Variants in PLD1 observed in about 807,000 individuals in gnomAD.
PLD1 encodes choline phosphatase 1.
In PLD1, 112 loss-of-function variants were observed where a neutral mutation model predicts 137.1. The observed-to-expected ratio is 0.82, with a 90% CI of 0.70 to 0.96. The LOEUF is 0.96. Ranked by LOEUF, PLD1 falls within the 40% of genes least tolerant of loss-of-function variation. The probability of loss-of-function intolerance (pLI) is 0.00; values close to 1 mark genes in which losing one functional copy is unlikely to be tolerated. For synonymous variants in PLD1, 431 were observed against 454.7 expected, an observed-to-expected ratio of 0.95 and a Z score of 0.66; for missense variants, 1,321 against 1,342.0, an observed-to-expected ratio of 0.98 and a Z score of 0.24.
At chr3:171,661,986 G>T in intron 20 of PLD1, 74 bp downstream of exon 20, 1 of 792,076 alleles carries the variant, frequency 1.3e-6, no homozygotes, top group South Asian at 1.6e-5. Flanking sequence ...TCCTAAGTTT[G>T]GGGACCCTGA....
intron 20 of PLD1, among the ~76,000 whole-genome samples, 160 bp from the exon 21 acceptor site, chr3:171,659,461 C>T (rs559927441): frequency 6.6e-6 from 1 of 152,318 alleles, no homozygotes; most frequent in South Asian, 2.1e-4. Context: ...AAAAAGCCGC[C>T]TCATCTCACT....
intron 21 of PLD1, among the ~76,000 whole-genome samples, chr3:171,657,300 C>T (rs1367656675): frequency 6.6e-6 from 1 of 152,140 alleles, no homozygotes; most frequent in Non-Finnish European, 1.5e-5. Flanking sequence ...ATAATATGTC[C>T]TTAAGTATAA....
At chr3:171,670,521 G>A (rs1019338155) in intron 19 of PLD1, among the ~76,000 whole-genome samples, 2 of 152,164 alleles carry the variant, frequency 1.3e-5, no homozygotes, top group Non-Finnish European at 1.5e-5. Flanking sequence ...CCAGTCTGTA[G>A]GAGATTTTAC....
chr3:171,644,328 G>A (rs934340468), intron 22 of PLD1, among the ~76,000 whole-genome samples: 1 of 152,114 alleles, frequency 6.6e-6, no homozygotes, highest in Non-Finnish European at 1.5e-5. Context: ...GGCCAAATCT[G>A]AAGCCTCAAG....
At position 171,602,915 on chromosome 3, in the gene PLD1, C is replaced by G; in HGVS notation, c.*163G>C. On this transcript the variant is annotated 3_prime_UTR_variant, in exon 27 of 27. Coordinates refer to ENST00000351298, the MANE Select transcript of PLD1 (RefSeq NM_002662.5). ...ATAAAGTCTTGCTGATGTTTACAGTCCTTACATCAATGTGACTGCAGCCCT... is the reference window on the plus strand; with the variant it reads ...ATAAAGTCTTGCTGATGTTTACAGTGCTTACATCAATGTGACTGCAGCCCT... The G allele has an allele frequency of 1.6e-6, 1 of 612,080 alleles. No individual in the cohort carries two copies. Among genetic ancestry groups the G allele is most frequent in the Non-Finnish European group, 2.9e-6 (1 of 345,094 alleles). 37.9% of individuals were successfully genotyped at this position (612,080 alleles called of 1,614,324 possible).
At chr3:171,755,427 C>A (rs1184440568) in intron 1 of PLD1, among the ~76,000 whole-genome samples, 1 of 152,186 alleles carries the variant, frequency 6.6e-6, no homozygotes, top group African/African-American at 2.4e-5. Flanking sequence ...CCCTTGACTG[C>A]ATCCTTCTTG....
chr3:171,676,507 A>C (rs1263638601), intron 18 of PLD1, among the ~76,000 whole-genome samples: 2 of 152,020 alleles, frequency 1.3e-5, no homozygotes, highest in Non-Finnish European at 2.9e-5. Flanking sequence ...GGCACTCTGA[A>C]TTGTCTATGG....
chr3:171,613,246 G>C (rs1325819032), intron 24 of PLD1, among the ~76,000 whole-genome samples: 1 of 152,142 alleles, frequency 6.6e-6, no homozygotes, highest in African/African-American at 2.4e-5. Context: ...GCCAACCTTT[G>C]AATATTCTTA....
chr3:171,724,637 C>CT, intron 8 of PLD1, 59 bp downstream of exon 8: 1 of 952,678 alleles, frequency 1.0e-6, no homozygotes. Flanking sequence ...GTATGTAAAA[C>CT]TAGCCCAAAT....
chr3:171,610,164 A>C (rs1219793442), intron 25 of PLD1, among the ~76,000 whole-genome samples: 2 of 152,322 alleles, frequency 1.3e-5, no homozygotes, highest in Admixed American at 6.5e-5. Flanking sequence ...GAAGGTGAAC[A>C]AGAAGGTATC....
intron 1 of PLD1, among the ~76,000 whole-genome samples, chr3:171,754,492 C>T (rs919312787): frequency 2.0e-5 from 3 of 152,082 alleles, no homozygotes; most frequent in Admixed American, 6.5e-5. Context: ...CTTCATGTTC[C>T]CTGCTTTTTC....
chr3:171,770,991 A>T (rs1038877308), intron 1 of PLD1, among the ~76,000 whole-genome samples: 1 of 151,658 alleles, frequency 6.6e-6, no homozygotes, highest in Non-Finnish European at 1.5e-5. Context: ...TGTCATTTCC[A>T]CTTGGCTTCC....
At chr3:171,710,150 C>T (rs963449982) in intron 9 of PLD1, among the ~76,000 whole-genome samples, 1 of 152,122 alleles carries the variant, frequency 6.6e-6, no homozygotes, top group Non-Finnish European at 1.5e-5. Flanking sequence ...GCAAGCTCCA[C>T]CTCCCGGGTT....
intron 9 of PLD1, among the ~76,000 whole-genome samples, chr3:171,710,163 C>T (rs1717051607): frequency 6.6e-6 from 1 of 152,006 alleles, no homozygotes; most frequent in African/African-American, 2.4e-5. Flanking sequence ...CCCGGGTTCA[C>T]GCCATTCTCC....
chr3:171,729,889 A>C (rs569752877), intron 6 of PLD1, among the ~76,000 whole-genome samples: 1 of 152,310 alleles, frequency 6.6e-6, no homozygotes, highest in South Asian at 2.1e-4. Flanking sequence ...AGTATTATTG[A>C]TCTGTGGGAT....
At chr3:171,710,982 T>C (rs1444150299) in intron 9 of PLD1, among the ~76,000 whole-genome samples, 2 of 148,788 alleles carry the variant, frequency 1.3e-5, no homozygotes, top group Admixed American at 1.3e-4. Flanking sequence ...CAAGTGATTC[T>C]CCTGCCTCAG....
chr3:171,735,653 A>T lies in PLD1; in HGVS notation c.289-16T>A. 1 of 1,402,854 alleles carries T rather than the reference A, an allele frequency of 7.1e-7. No individual in the cohort carries two copies. Among genetic ancestry groups the T allele is most frequent in the Non-Finnish European group, 1.0e-6 (1 of 991,388 alleles). The allele number at this position is 1,402,854 out of a possible 1,614,324, so 86.9% of individuals were successfully genotyped here. A position where few individuals can be genotyped will look rare whatever the true frequency, so the allele number is the denominator to read the frequency against. On this transcript the variant is annotated splice_polypyrimidine_tract_variant and intron_variant, in intron 3 of 26. Transcript: ENST00000351298. ...TACTTGGTACCTACAGTGATACATA[A>T]AAATGTTTGATATTTTAGATAACAA...
intron 1 of PLD1, among the ~76,000 whole-genome samples, chr3:171,740,877 T>C (rs1289408235): frequency 6.6e-6 from 1 of 152,222 alleles, no homozygotes; most frequent in Non-Finnish European, 1.5e-5. Context: ...AGTTAAACAA[T>C]CGTCCAAGGT....
intron 11 of PLD1, 57 bp from the exon 12 acceptor site, chr3:171,699,883 G>T: frequency 1.4e-6 from 2 of 1,412,274 alleles, no homozygotes; most frequent in Non-Finnish European, 1.0e-6. Flanking sequence ...AGTTCTGATT[G>T]TGTCATAGGA....
Sources: allele counts gnomAD v4.1 joint callset (sites outside exome capture counted in the v4.1 genomes callset), GRCh38; gene constraint gnomAD v4.1.1; transcripts MANE v1.5; gene names NCBI Gene and HGNC (gene_info 2026-07-23, HGNC 2026-07-21).